Variants in SCLT1 observed in about 807,000 individuals in gnomAD.
SCLT1 encodes sodium channel and clathrin linker 1.
Under a neutral mutation model 112.8 loss-of-function variants are expected in SCLT1, and 78 were observed. The ratio of observed to expected loss-of-function variants is 0.69; its 90% confidence interval spans 0.58 to 0.83. The LOEUF is 0.83. Ranked by LOEUF, SCLT1 falls within the 40% of genes least tolerant of loss-of-function variation. SCLT1 has a pLI of 0.00. For missense variants in SCLT1, 747 were observed against 770.4 expected, an observed-to-expected ratio of 0.97 and a Z score of 0.36; for synonymous variants, 257 against 254.7, an observed-to-expected ratio of 1.01 and a Z score of -0.09.
At chr4:129,072,434 A>G (rs1362772359) in intron 2 of SCLT1, among the ~76,000 whole-genome samples, 1 of 151,986 alleles carries the variant, frequency 6.6e-6, no homozygotes, top group Non-Finnish European at 1.5e-5. Flanking sequence ...CCTCAGGAAC[A>G]CCAATTATTC....
chr4:129,060,686 A>G (rs531306028), intron 2 of SCLT1, among the ~76,000 whole-genome samples: 4 of 152,210 alleles, frequency 2.6e-5, no homozygotes, highest in African/African-American at 9.6e-5. Context: ...CTTAATGTCA[A>G]GTATTCTTGG....
chr4:128,927,894 G>T (rs1387006694), intron 18 of SCLT1, among the ~76,000 whole-genome samples: 1 of 151,708 alleles, frequency 6.6e-6, no homozygotes, highest in East Asian at 1.9e-4. Context: ...AAAGAGACAA[G>T]GTACAATAAT....
intron 18 of SCLT1, among the ~76,000 whole-genome samples, chr4:128,916,498 A>G (rs1215774708): frequency 6.6e-6 from 1 of 152,208 alleles, no homozygotes; most frequent in Non-Finnish European, 1.5e-5. Flanking sequence ...TTCTCTGAGT[A>G]GATTTACAGT....
intron 4 of SCLT1, among the ~76,000 whole-genome samples, chr4:128,875,834 AAAT>A (rs1308767135): frequency 6.6e-6 from 1 of 152,222 alleles, no homozygotes; most frequent in African/African-American, 2.4e-5. Context: ...TACAACCTTT[AAAT>A]AATTTTTAAA....
At chr4:128,913,216 C>T (rs1005164901) in intron 18 of SCLT1, among the ~76,000 whole-genome samples, 2 of 152,100 alleles carry the variant, frequency 1.3e-5, no homozygotes, top group Non-Finnish European at 2.9e-5. Flanking sequence ...GAACATCTAA[C>T]AAGGAGGCAC....
chr4:128,971,029 T>A (rs948167028), intron 9 of SCLT1: 1 of 152,096 alleles, frequency 6.6e-6, no homozygotes, highest in African/African-American at 2.4e-5. Flanking sequence ...AAAAGATAAA[T>A]TTTTTTGAAC....
intron 1 of SCLT1, among the ~76,000 whole-genome samples, chr4:129,087,664 G>A (rs564641330): frequency 6.6e-6 from 1 of 150,838 alleles, no homozygotes; most frequent in Admixed American, 6.6e-5. Context: ...TGAGGCAGGT[G>A]GAGGGCTTCA....
At chr4:128,879,069 T>C (rs1732585307), downstream of SCLT1, among the ~76,000 whole-genome samples, 1 of 151,892 alleles carries the variant, frequency 6.6e-6, no homozygotes. Context: ...ACGGCACATG[T>C]ATACATATGT....
chr4:128,894,995 C>T (rs1733628210), intron 18 of SCLT1, among the ~76,000 whole-genome samples: 1 of 152,168 alleles, frequency 6.6e-6, no homozygotes, highest in Non-Finnish European at 1.5e-5. Context: ...GTCTTAAATG[C>T]AACATCTCAT....
chr4:128,981,401 C>T (rs746072035), intron 9 of SCLT1, among the ~76,000 whole-genome samples: 1 of 152,190 alleles, frequency 6.6e-6, no homozygotes, highest in East Asian at 1.9e-4. Flanking sequence ...GCCATTTAGT[C>T]TGGAGGTCGT....
intron 9 of SCLT1, among the ~76,000 whole-genome samples, chr4:128,973,678 A>C (rs1291675615): frequency 6.6e-6 from 1 of 152,176 alleles, no homozygotes; most frequent in Non-Finnish European, 1.5e-5. Context: ...TATTCCTTTG[A>C]AATGAAATCT....
At chr4:129,058,562 G>T (rs1749662805) in intron 2 of SCLT1, among the ~76,000 whole-genome samples, 2 of 152,044 alleles carry the variant, frequency 1.3e-5, no homozygotes, top group Non-Finnish European at 2.9e-5. Context: ...TTATTCCACT[G>T]TGGTCACAAA....
intron 18 of SCLT1, among the ~76,000 whole-genome samples, chr4:128,931,073 A>G (rs1343820821): frequency 6.6e-6 from 1 of 152,050 alleles, no homozygotes; most frequent in Non-Finnish European, 1.5e-5. Context: ...CACTTTAAAT[A>G]CAGGCATAGG....
chr4:129,032,392 G>GA (rs1746803643), intron 5 of SCLT1, among the ~76,000 whole-genome samples: 1 of 152,062 alleles, frequency 6.6e-6, no homozygotes, highest in African/African-American at 2.4e-5. Flanking sequence ...AACCCTAGAA[G>GA]AAAACCCAGG....
intron 18 of SCLT1, 68 bp downstream of exon 18, chr4:128,936,587 A>T (rs2125981845): frequency 2.3e-6 from 2 of 887,438 alleles, no homozygotes; most frequent in East Asian, 2.6e-5. Context: ...GATTATGGCA[A>T]GGACATTAAA....
intron 18 of SCLT1, among the ~76,000 whole-genome samples, chr4:128,924,232 C>T (rs1355998931): frequency 1.3e-5 from 2 of 151,176 alleles, no homozygotes; most frequent in Non-Finnish European, 2.9e-5. Context: ...TTAATGGTGG[C>T]TTTTGAAAAG....
chr4:128,904,906 G>A (rs1489514999), intron 18 of SCLT1, among the ~76,000 whole-genome samples: 2 of 152,024 alleles, frequency 1.3e-5, no homozygotes, highest in Non-Finnish European at 2.9e-5. Context: ...TAAGGCAGGC[G>A]GGTCAGCGTT....
chr4:128,947,470 T>C (rs958738763), intron 15 of SCLT1, among the ~76,000 whole-genome samples: 43 of 152,192 alleles, frequency 2.8e-4, no homozygotes, highest in Middle Eastern at 3.2e-3. Flanking sequence ...ACTGATGTCA[T>C]AATTTTTTCA....
chr4:129,033,438 C>A (rs1257769982), intron 5 of SCLT1, among the ~76,000 whole-genome samples: 1 of 144,288 alleles, frequency 6.9e-6, no homozygotes. Flanking sequence ...AGCAAACCAC[C>A]ATGGCACATG....
Sources: gnomAD v4.1 joint callset for allele counts (sites outside exome capture counted in the v4.1 genomes callset) on GRCh38, gnomAD v4.1.1 for gene constraint, MANE v1.5 for transcripts, NCBI Gene and HGNC (gene_info 2026-07-23, HGNC 2026-07-21) for gene names.